RGS6: variants seen among roughly 807,000 people sequenced by gnomAD.
The protein encoded by RGS6 is regulator of G protein signaling 6.
RGS6 carries 30 observed loss-of-function variants against 78.5 expected under a neutral mutation model. The ratio of observed to expected loss-of-function variants is 0.38; its 90% CI spans 0.29 to 0.52. RGS6 has a LOEUF of 0.52. Among genes scored for constraint, RGS6 ranks in the 20% least tolerant of loss-of-function variants. The probability of loss-of-function intolerance (pLI) is 0.85; values close to 1 mark genes in which losing one functional copy is unlikely to be tolerated. For missense variants in RGS6, 495 were observed against 609.7 expected, an observed-to-expected ratio of 0.81 and a Z score of 1.98; for synonymous variants, 206 against 206.0, an observed-to-expected ratio of 1.00 and a Z score of 0.00.
At chr14:72,344,285 A>G (rs1158280956) in intron 2 of RGS6, among the ~76,000 whole-genome samples, 1 of 152,186 alleles carries the variant, frequency 6.6e-6, no homozygotes, top group Non-Finnish European at 1.5e-5. Flanking sequence ...AGGGGACAAA[A>G]CAAATAATGC....
intron 2 of RGS6, among the ~76,000 whole-genome samples, chr14:71,969,911 T>C (rs527274063): frequency 1.3e-5 from 2 of 152,356 alleles, no homozygotes; most frequent in African/African-American, 4.8e-5. Context: ...TGTGAGACTA[T>C]ATGCACGTTT....
At chr14:72,321,875 TA>T (rs1372533086) in intron 2 of RGS6, among the ~76,000 whole-genome samples, 1 of 151,950 alleles carries the variant, frequency 6.6e-6, no homozygotes, top group Non-Finnish European at 1.5e-5. Context: ...CAGATGTCCA[TA>T]AAACGTTTCC....
chr14:72,175,218 C>T (rs1191846441), intron 2 of RGS6, among the ~76,000 whole-genome samples: 2 of 152,096 alleles, frequency 1.3e-5, no homozygotes, highest in African/African-American at 4.8e-5. Flanking sequence ...ATAATTCTCT[C>T]CTGTTTGTCG....
intron 2 of RGS6, among the ~76,000 whole-genome samples, chr14:72,152,257 T>A (rs1377469792): frequency 6.6e-6 from 1 of 151,638 alleles, no homozygotes; most frequent in Non-Finnish European, 1.5e-5. Flanking sequence ...TGTGTGTGTG[T>A]GTGTGTGTGT....
At chr14:71,895,069 G>T in the RGS6 span, among the ~76,000 whole-genome samples, 1 of 151,354 alleles carries the variant, frequency 6.6e-6, no homozygotes, top group Non-Finnish European at 1.5e-5. Flanking sequence ...CAGCCCAAAG[G>T]TACTTTTCAA....
intron 1 of RGS6, among the ~76,000 whole-genome samples, chr14:71,948,390 T>G (rs1189764809): frequency 6.6e-6 from 1 of 152,216 alleles, no homozygotes; most frequent in East Asian, 1.9e-4. Context: ...TCATCATCCC[T>G]GCAATTATAA....
chr14:72,331,926 T>C (rs2075133717), intron 2 of RGS6, among the ~76,000 whole-genome samples: 1 of 152,250 alleles, frequency 6.6e-6, no homozygotes, highest in South Asian at 2.1e-4. Flanking sequence ...ATTATTCCAA[T>C]TATCTAATCT....
chr14:72,599,459 A>AGTGCACTG, the RGS6 span, among the ~76,000 whole-genome samples: 2 of 114,696 alleles, frequency 1.7e-5, no homozygotes, highest in African/African-American at 7.1e-5. Context: ...CCCAGGCTGG[A>AGTGCACTG]GTGCACTGGG....
chr14:71,915,916 G>A, the RGS6 span, among the ~76,000 whole-genome samples: 1 of 152,174 alleles, frequency 6.6e-6, no homozygotes, highest in Non-Finnish European at 1.5e-5. Flanking sequence ...ATGCTCACAC[G>A]CAGAGGACAG....
intron 2 of RGS6, among the ~76,000 whole-genome samples, chr14:72,275,980 G>T (rs1305928215): frequency 6.6e-6 from 1 of 152,066 alleles, no homozygotes; most frequent in Non-Finnish European, 1.5e-5. Context: ...GAGACTTTGG[G>T]GACTGGGACT....
intron 2 of RGS6, among the ~76,000 whole-genome samples, chr14:72,239,995 T>G (rs770006940): frequency 4.6e-5 from 7 of 152,058 alleles, no homozygotes; most frequent in Non-Finnish European, 1.0e-4. Flanking sequence ...ATATATTAAC[T>G]AGTAACTGTT....
At chr14:72,211,363 A>G (rs2044103295) in intron 2 of RGS6, among the ~76,000 whole-genome samples, 1 of 152,210 alleles carries the variant, frequency 6.6e-6, no homozygotes, top group African/African-American at 2.4e-5. Context: ...TGACCTTAAC[A>G]AGCATTGTTT....
At chr14:71,894,666 T>C in the RGS6 span, among the ~76,000 whole-genome samples, 2 of 152,074 alleles carry the variant, frequency 1.3e-5, no homozygotes, top group South Asian at 2.1e-4. Context: ...CAGTTTTGAG[T>C]GAACTTTTCA....
At chr14:72,100,474 A>G (rs141077283) in intron 2 of RGS6, among the ~76,000 whole-genome samples, 78 of 152,288 alleles carry the variant, frequency 5.1e-4, no homozygotes, top group Admixed American at 4.3e-3. Context: ...CAGCCTGGGC[A>G]ATAGAGCAAG....
chr14:72,619,390 A>AG, the RGS6 span: 1 of 1,535,986 alleles, frequency 6.5e-7, no homozygotes, highest in Admixed American at 2.0e-5. Flanking sequence ...AGACGGCTTT[A>AG]GTAGCAGCCC....
intron 2 of RGS6, among the ~76,000 whole-genome samples, chr14:72,154,603 CCAGGCTGCATGGGGATCTAAT>C (rs1243777318): frequency 1.3e-5 from 2 of 152,172 alleles, no homozygotes; most frequent in Admixed American, 6.5e-5. Context: ...ATGGTGCTAA[CCAGGCTGCATGGGGATCTAAT>C]GTCTGACTTT....
chr14:72,369,848 A>G (rs2083126704), intron 3 of RGS6, among the ~76,000 whole-genome samples: 1 of 152,170 alleles, frequency 6.6e-6, no homozygotes, highest in African/African-American at 2.4e-5. Context: ...TTATAAAATA[A>G]AATTTATTCT....
intron 3 of RGS6, among the ~76,000 whole-genome samples, chr14:72,369,493 C>A (rs1440172228): frequency 2.0e-5 from 3 of 152,114 alleles, no homozygotes; most frequent in Non-Finnish European, 4.4e-5. Flanking sequence ...CCATAGAAAA[C>A]TAATACAGTG....
At chr14:72,389,586 C>T (rs572127902) in intron 3 of RGS6, among the ~76,000 whole-genome samples, 1 of 152,292 alleles carries the variant, frequency 6.6e-6, no homozygotes, top group African/African-American at 2.4e-5. Context: ...TGTTCCGTTA[C>T]CCGATCCCCA....
Sources: gnomAD v4.1 joint callset for allele counts (sites outside exome capture counted in the v4.1 genomes callset) on GRCh38, gnomAD v4.1.1 for gene constraint, MANE v1.5 for transcripts, NCBI Gene and HGNC (gene_info 2026-07-23, HGNC 2026-07-21) for gene names.